The following MID1 variants were observed in gnomAD, a reference collection of about 807,000 sequenced individuals.
MID1 encodes E3 ubiquitin-protein ligase Midline-1.
Under a neutral mutation model 40.4 loss-of-function variants are expected in MID1, and 7 were observed. The observed-to-expected ratio is 0.17, with a 90% CI of 0.10 to 0.33. The LOEUF (loss-of-function observed/expected upper bound fraction) is 0.33. MID1 is among the 10% of genes least tolerant of loss of function. MID1 has a pLI of 1.00. For synonymous variants in MID1, 229 were observed against 221.2 expected, an observed-to-expected ratio of 1.04 and a Z score of -0.31; for missense variants, 367 against 558.5, an observed-to-expected ratio of 0.66 and a Z score of 3.46.
intron 1 of MID1, among the ~76,000 whole-genome samples, chrX:10,652,062 A>G (rs1426325617): frequency 2.7e-5 from 3 of 112,398 alleles, no homozygotes; most frequent in Non-Finnish European, 3.8e-5. Context: ...GTTAATTCAT[A>G]TTGAACTTAC....
At chrX:10,630,542 C>A (rs372711648) in intron 1 of MID1, among the ~76,000 whole-genome samples, 4 of 100,389 alleles carry the variant, frequency 4.0e-5, no homozygotes, top group African/African-American at 1.2e-4. Flanking sequence ...GTGCGGGGGG[C>A]GGGGGCAGTG....
At chrX:10,667,635 T>TG (rs2042958819) in intron 1 of MID1, among the ~76,000 whole-genome samples, 1 of 111,367 alleles carries the variant, frequency 9.0e-6, no homozygotes, top group East Asian at 2.8e-4. Flanking sequence ...CAGGGGTGTG[T>TG]GGGGGGAGTC....
chrX:10,815,722 G>A (rs1413057854), intron 1 of MID1, among the ~76,000 whole-genome samples: 1 of 112,844 alleles, frequency 8.9e-6, no homozygotes, highest in African/African-American at 3.2e-5. Flanking sequence ...TGATCAGAGA[G>A]GGTTGAACTA....
chrX:10,694,503 C>A (rs2043149456), intron 1 of MID1, among the ~76,000 whole-genome samples: 1 of 112,034 alleles, frequency 8.9e-6, no homozygotes, highest in Non-Finnish European at 1.9e-5. Context: ...CCCCAGGCAC[C>A]AAACCTAAGA....
chrX:10,611,630 G>A (rs1188650123), intron 1 of MID1, among the ~76,000 whole-genome samples: 1 of 111,331 alleles, frequency 9.0e-6, no homozygotes. Flanking sequence ...ACCTTCAAGA[G>A]GGCAGTAGCT....
chrX:10,810,525 C>A (rs1384616528), intron 1 of MID1, among the ~76,000 whole-genome samples: 2 of 111,860 alleles, frequency 1.8e-5, no homozygotes, highest in Non-Finnish European at 3.8e-5. Context: ...GCTTTCTATT[C>A]TTTTGGGTGT....
chrX:10,784,911 G>A (rs988271545), intron 1 of MID1, among the ~76,000 whole-genome samples: 3 of 110,992 alleles, frequency 2.7e-5, no homozygotes, highest in East Asian at 2.8e-4. Flanking sequence ...TTTGAAAACT[G>A]GCACAAGACA....
intron 1 of MID1, among the ~76,000 whole-genome samples, chrX:10,690,554 C>G (rs1164677065): frequency 1.8e-5 from 2 of 111,777 alleles, no homozygotes; most frequent in Admixed American, 1.9e-4. Flanking sequence ...CCAGTGCTCA[C>G]CACCGACTTC....
At chrX:10,723,946 G>T (rs1178797135) in intron 1 of MID1, among the ~76,000 whole-genome samples, 1 of 112,695 alleles carries the variant, frequency 8.9e-6, no homozygotes, top group Non-Finnish European at 1.9e-5. Flanking sequence ...GCAGTAAAAG[G>T]AGACTGTAGC....
chrX:10,737,453 C>T (rs1473293979), intron 1 of MID1, among the ~76,000 whole-genome samples: 1 of 112,830 alleles, frequency 8.9e-6, no homozygotes, highest in Non-Finnish European at 1.9e-5. Flanking sequence ...CAACCCCATG[C>T]TGAAACATGC....
intron 1 of MID1, among the ~76,000 whole-genome samples, chrX:10,721,719 TAAA>T (rs55797465): frequency 1.1e-5 from 1 of 92,352 alleles, no homozygotes; most frequent in African/African-American, 4.0e-5. Context: ...GATTTAAATC[TAAA>T]AAAAAAAAAA....
intron 1 of MID1, among the ~76,000 whole-genome samples, chrX:10,575,091 A>G (rs1445542780): frequency 8.9e-6 from 1 of 112,605 alleles, no homozygotes; most frequent in African/African-American, 3.2e-5. Flanking sequence ...AAATGTACAA[A>G]TGAATTATTT....
chrX:10,496,591 A>G (rs1004128547), intron 3 of MID1, among the ~76,000 whole-genome samples: 4 of 112,707 alleles, frequency 3.5e-5, no homozygotes, highest in Non-Finnish European at 7.5e-5. Flanking sequence ...GCAATGTTAC[A>G]AAGAATGACA....
intron 1 of MID1, among the ~76,000 whole-genome samples, chrX:10,657,820 T>C (rs2042885129): frequency 8.9e-6 from 1 of 112,189 alleles, no homozygotes; most frequent in African/African-American, 3.2e-5. Flanking sequence ...TTATGAAACA[T>C]TGACTTTTGG....
intron 1 of MID1, among the ~76,000 whole-genome samples, chrX:10,703,298 G>T (rs12010791): frequency 0.16 from 17,934 of 111,678 alleles, 2,380 homozygotes; most frequent in African/African-American, 0.45. Context: ...ATCCACACAA[G>T]TAAATGTGGT....
intron 1 of MID1, among the ~76,000 whole-genome samples, chrX:10,685,237 A>T (rs1342303129): frequency 8.9e-6 from 1 of 111,755 alleles, no homozygotes. Flanking sequence ...TGTATTTACT[A>T]TTGTTGGGAC....
intron 1 of MID1, among the ~76,000 whole-genome samples, chrX:10,584,035 A>G (rs1935079565): frequency 9.1e-6 from 1 of 110,048 alleles, no homozygotes; most frequent in South Asian, 4.0e-4. Context: ...CATCTAAAAA[A>G]AAAAAAAAGA....
chrX:10,550,497 TGCTTCCAG>T (rs1933863673), intron 2 of MID1, among the ~76,000 whole-genome samples: 1 of 111,761 alleles, frequency 8.9e-6, no homozygotes, highest in South Asian at 3.7e-4. Context: ...ACTCTGGGGC[TGCTTCCAG>T]GCTGCCAGGC....
chrX:10,785,599 G>C (rs1380257913), intron 1 of MID1, among the ~76,000 whole-genome samples: 1 of 111,280 alleles, frequency 9.0e-6, no homozygotes, highest in Non-Finnish European at 1.9e-5. Flanking sequence ...AAACAGCATG[G>C]TACTGGTACC....
Sources: gnomAD v4.1 joint callset for allele counts (sites outside exome capture counted in the v4.1 genomes callset) on GRCh38, gnomAD v4.1.1 for gene constraint, MANE v1.5 for transcripts, NCBI Gene and HGNC (gene_info 2026-07-23, HGNC 2026-07-21) for gene names.